Variants in PGS1 observed in about 807,000 individuals in gnomAD.
The protein encoded by PGS1 is phosphatidylglycerophosphate synthase 1.
PGS1 carries 44 observed loss-of-function variants against 58.3 expected under a neutral mutation model. That is an observed-to-expected ratio of 0.75 (90% CI 0.59 to 0.97). PGS1 has a LOEUF of 0.97. Among genes scored for constraint, PGS1 ranks in the 50% least tolerant of loss-of-function variants. The pLI is 0.00. For synonymous variants in PGS1, 330 were observed against 311.0 expected, an observed-to-expected ratio of 1.06 and a Z score of -0.64; for missense variants, 684 against 731.1, an observed-to-expected ratio of 0.94 and a Z score of 0.74.
At chr17:78,381,244 A>C (rs2082016747) in intron 1 of PGS1, among the ~76,000 whole-genome samples, 1 of 152,108 alleles carries the variant, frequency 6.6e-6, no homozygotes, top group Non-Finnish European at 1.5e-5. Flanking sequence ...GAGTGGATGC[A>C]GTTTGTGTGC....
rs1233961859 is a variant in PGS1 at position 78,399,800 on chromosome 17, A to ACC, written c.701+265_701+266dup. On this transcript the variant is annotated intron_variant, in intron 5 of 9. Transcript: ENST00000262764. ...ATGTTGTCTGTTTCCACCCTCAGTG[A>ACC]CCCTCTGTAGTATTTTCCTCACTGT... 2.8e-5 allele frequency: 15 copies of ACC among 528,842 alleles called. No individual in the cohort carries two copies. In the Admixed American group the frequency reaches 4.8e-4, roughly 17 times the overall value. 32.8% of individuals were successfully genotyped at this position (528,842 alleles called of 1,614,324 possible). A position where few individuals can be genotyped will look rare whatever the true frequency, so the allele number is the denominator to read the frequency against.
At chr17:78,420,609 A>C in intron 9 of PGS1, 1 of 152,236 alleles carries the variant, frequency 6.6e-6, no homozygotes, top group Non-Finnish European at 1.5e-5. Context: ...TAGTGCCGGC[A>C]TCTCATGTGT....
chr17:78,417,705 C>T (rs1173170388), intron 8 of PGS1, among the ~76,000 whole-genome samples: 2 of 151,932 alleles, frequency 1.3e-5, no homozygotes, highest in Admixed American at 1.3e-4. Flanking sequence ...GTGGTCATCA[C>T]CTGTGGTCCT....
chr17:78,408,964 C>T (rs1419903385), intron 7 of PGS1, among the ~76,000 whole-genome samples: 2 of 152,216 alleles, frequency 1.3e-5, no homozygotes, highest in African/African-American at 4.8e-5. Flanking sequence ...GGGTGGGGTA[C>T]AGGCAGGAGC....
chr17:78,408,502 G>A (rs948857168), intron 7 of PGS1, among the ~76,000 whole-genome samples: 13 of 152,216 alleles, frequency 8.5e-5, no homozygotes, highest in Admixed American at 3.9e-4. Context: ...CCTAGGCCAG[G>A]TGAGGCACCT....
intron 1 of PGS1, among the ~76,000 whole-genome samples, chr17:78,386,110 A>T (rs1281594547): frequency 6.6e-6 from 1 of 152,202 alleles, no homozygotes; most frequent in African/African-American, 2.4e-5. Flanking sequence ...GGAAGCCTTA[A>T]ATCAGGTGAC....
intron 3 of PGS1, 49 bp from the exon 4 acceptor site, chr17:78,398,203 A>G (rs769014851): frequency 3.8e-6 from 5 of 1,328,254 alleles, no homozygotes; most frequent in East Asian, 4.6e-5. Flanking sequence ...CTTTAAATAC[A>G]CACACCTCTT....
intron 1 of PGS1, chr17:78,381,165 G>A (rs2082009587): frequency 6.6e-6 from 1 of 152,166 alleles, no homozygotes. Context: ...TTTTGGTGGT[G>A]GGAGGGGCAG....
At chr17:78,405,170 G>C (rs898197152) in intron 7 of PGS1, among the ~76,000 whole-genome samples, 3 of 150,930 alleles carry the variant, frequency 2.0e-5, no homozygotes, top group Admixed American at 2.0e-4. Context: ...GCTAATTTTT[G>C]TATTTTTAGT....
In PGS1 at chr17:78,423,573, G is replaced by A. The variant is rs139990100; in HGVS notation, c.*11-488G>A. 3,035 of 313,634 alleles carry A rather than the reference G, an allele frequency of 9.7e-3. 22 individuals are homozygous for A. The highest frequency in any genetic ancestry group is 0.014 in the Non-Finnish European group (2,262 of 162,714). The allele number at this position is 313,634 out of a possible 1,614,324, so 19.4% of individuals were successfully genotyped here. A position where few individuals can be genotyped will look rare whatever the true frequency, so the allele number is the denominator to read the frequency against. On this transcript the variant is annotated intron_variant, in intron 9 of 9. Transcript: ENST00000262764. The stretch of plus-strand genomic sequence containing the variant: ...AAGCAAACTCCACTGACCCCCCCGG[G>A]AAGTCAGGATTTGGGATTTACTTCC...
chr17:78,404,301 T>TTG (rs1379804843), intron 7 of PGS1, among the ~76,000 whole-genome samples: 1,426 of 99,112 alleles, frequency 0.014, 20 homozygotes, highest in African/African-American at 0.05. Context: ...TTTTTTTTTT[T>TTG]GTGACAGTCT....
At chr17:78,381,743 A>C (rs1371914734) in intron 1 of PGS1, among the ~76,000 whole-genome samples, 1 of 152,166 alleles carries the variant, frequency 6.6e-6, no homozygotes, top group Non-Finnish European at 1.5e-5. Flanking sequence ...CGTTCCTTTT[A>C]CTGCCGCGGT....
chr17:78,410,706 T>TCA (rs2084602412), intron 7 of PGS1, among the ~76,000 whole-genome samples: 4 of 151,992 alleles, frequency 2.6e-5, no homozygotes, highest in African/African-American at 9.7e-5. Flanking sequence ...ACTCCTGACC[T>TCA]TGTGATCTGC....
chr17:78,386,312 A>G (rs912018096), intron 1 of PGS1, among the ~76,000 whole-genome samples: 2 of 152,174 alleles, frequency 1.3e-5, no homozygotes, highest in Non-Finnish European at 2.9e-5. Flanking sequence ...TTGATTTTGA[A>G]TGCTGGAGCA....
chr17:78,399,070 G>A (rs1305087195), intron 4 of PGS1, among the ~76,000 whole-genome samples: 1 of 152,230 alleles, frequency 6.6e-6, no homozygotes, highest in Non-Finnish European at 1.5e-5. Context: ...AGTGCCCCAG[G>A]AGAAGGTTGG....
chr17:78,387,661 A>G (rs1712652919), intron 1 of PGS1, among the ~76,000 whole-genome samples: 1 of 141,814 alleles, frequency 7.1e-6, no homozygotes, highest in African/African-American at 2.6e-5. Flanking sequence ...GTGCAGTGGC[A>G]CAATCTTGGC....
chr17:78,393,326 C>G (rs900801125), intron 2 of PGS1, among the ~76,000 whole-genome samples: 1 of 152,216 alleles, frequency 6.6e-6, no homozygotes, highest in African/African-American at 2.4e-5. Flanking sequence ...TCCCAAAGTG[C>G]TGGGATTACA....
intron 2 of PGS1, among the ~76,000 whole-genome samples, chr17:78,392,959 A>G (rs1446595612): frequency 1.3e-5 from 2 of 151,992 alleles, no homozygotes; most frequent in Admixed American, 6.6e-5. Context: ...GGGTCTCACT[A>G]TGTTACCCAG....
At chr17:78,389,407 G>A (rs1016690812) in intron 1 of PGS1, among the ~76,000 whole-genome samples, 1 of 151,666 alleles carries the variant, frequency 6.6e-6, no homozygotes, top group Non-Finnish European at 1.5e-5. Context: ...GGCTGTTCTC[G>A]AACTGCTAAC....
Sources: gnomAD v4.1 joint callset for allele counts (sites outside exome capture counted in the v4.1 genomes callset) on GRCh38, gnomAD v4.1.1 for gene constraint, MANE v1.5 for transcripts, NCBI Gene and HGNC (gene_info 2026-07-23, HGNC 2026-07-21) for gene names.